MARCHF3: variants seen among roughly 807,000 people sequenced by gnomAD.
MARCHF3 encodes the protein E3 ubiquitin-protein ligase MARCHF3.
In MARCHF3, 13 loss-of-function variants were observed where a neutral mutation model predicts 24.2. The ratio of observed to expected loss-of-function variants is 0.54; its 90% confidence interval spans 0.35 to 0.85. The LOEUF (loss-of-function observed/expected upper bound fraction) is 0.85. Ranked by LOEUF, MARCHF3 falls within the 40% of genes least tolerant of loss-of-function variation. MARCHF3 has a pLI of 0.01. For synonymous variants in MARCHF3, 144 were observed against 137.3 expected (o/e 1.05, Z -0.34); for missense variants, 276 against 325.0 (o/e 0.85, Z 1.16).
rs1460731235 is a variant in MARCHF3, at chr5:126,868,383, C to T, written c.*2250G>A. On this transcript the variant is annotated 3_prime_UTR_variant, in exon 5 of 5. Coordinates refer to ENST00000308660, the MANE Select transcript of MARCHF3 (RefSeq NM_178450.5). ...TGCCAGGGGTGTCCTTTCACCACCC[C>T]ACACACAATCTACTCCTTGCATCTT... 2.0e-5 allele frequency: 3 copies of T among 152,264 alleles called. No individual in the cohort carries two copies. The highest frequency in any genetic ancestry group is 7.2e-5 in the African/African-American group (3 of 41,456). The allele number at this position is 152,264 out of a possible 1,614,324, so 9.4% of individuals were successfully genotyped here. A position where few individuals can be genotyped will look rare whatever the true frequency, so the allele number is the denominator to read the frequency against.
At chr5:126,890,798 T>C (rs1160032939) in intron 3 of MARCHF3, among the ~76,000 whole-genome samples, 2 of 150,050 alleles carry the variant, frequency 1.3e-5, no homozygotes, top group Non-Finnish European at 2.9e-5. Flanking sequence ...TTTGGGTATA[T>C]ACCCAGTAAT....
intron 1 of MARCHF3, among the ~76,000 whole-genome samples, chr5:126,928,615 T>C (rs1294625348): frequency 6.6e-6 from 1 of 152,230 alleles, no homozygotes; most frequent in Admixed American, 6.5e-5. Flanking sequence ...ATATTTTTAT[T>C]ATGAAAAGTG....
chr5:126,893,487 G>T (rs1753765638), intron 3 of MARCHF3, among the ~76,000 whole-genome samples: 2 of 151,844 alleles, frequency 1.3e-5, no homozygotes, highest in African/African-American at 4.8e-5. Flanking sequence ...CTGGTATGTT[G>T]TGTCTTTGTT....
intron 3 of MARCHF3, among the ~76,000 whole-genome samples, chr5:126,894,732 A>T (rs1439228608): frequency 6.6e-6 from 1 of 151,864 alleles, no homozygotes; most frequent in Non-Finnish European, 1.5e-5. Flanking sequence ...TTTTTCCTTC[A>T]TTTCAACTTT....
At chr5:126,887,327 C>G (rs546894857) in intron 3 of MARCHF3, among the ~76,000 whole-genome samples, 2 of 152,310 alleles carry the variant, frequency 1.3e-5, no homozygotes, top group Non-Finnish European at 2.9e-5. Context: ...TGCAGAAAAT[C>G]TAGGTGGCAT....
intron 3 of MARCHF3, among the ~76,000 whole-genome samples, chr5:126,882,270 G>A (rs931279061): frequency 6.6e-6 from 1 of 152,110 alleles, no homozygotes; most frequent in Non-Finnish European, 1.5e-5. Flanking sequence ...CAGCTAGGTG[G>A]GACACATTTA....
chr5:126,915,735 G>A (rs1031357504), intron 2 of MARCHF3, among the ~76,000 whole-genome samples: 6 of 152,160 alleles, frequency 3.9e-5, no homozygotes, highest in Admixed American at 1.3e-4. Context: ...AACTGAAAGC[G>A]AGTAATGAGT....
chr5:126,884,696 C>T (rs1236016926), intron 3 of MARCHF3, among the ~76,000 whole-genome samples: 1 of 152,184 alleles, frequency 6.6e-6, no homozygotes, highest in Non-Finnish European at 1.5e-5. Context: ...GTCCTATTGG[C>T]ACTGCCTGCA....
intron 1 of MARCHF3, among the ~76,000 whole-genome samples, chr5:126,970,814 G>A (rs1750986707): frequency 6.6e-6 from 1 of 152,126 alleles, no homozygotes; most frequent in Non-Finnish European, 1.5e-5. Context: ...CCTACTTCCT[G>A]TCATTTCCAA....
Position 126,996,144 on chromosome 5 carries a change from C to A in MARCHF3, c.-57+34206G>T, listed in dbSNP as rs966993733. 2.0e-5 allele frequency among the ~76,000 whole-genome samples: 3 copies of A among 152,152 alleles called. No individual in the cohort carries two copies. In the East Asian group the frequency reaches 5.8e-4, roughly 29 times the overall value. On this transcript the variant is annotated intron_variant, in intron 1 of 4. Transcript: ENST00000308660. ...TTTGAATTTCAATGTCTTCAGGCCTCAGGTCTCTCCTTTTCTCCATGAGTC... is the reference window on the plus strand; with the variant it reads ...TTTGAATTTCAATGTCTTCAGGCCTAAGGTCTCTCCTTTTCTCCATGAGTC...
chr5:126,991,715 T>C (rs114110932), intron 1 of MARCHF3, among the ~76,000 whole-genome samples: 7,704 of 151,246 alleles, frequency 0.051, 364 homozygotes, highest in South Asian at 0.13. Context: ...AGCAAGATTC[T>C]ATTTCAAAAA....
chr5:126,926,736 CA>C (rs1749309707), intron 1 of MARCHF3, among the ~76,000 whole-genome samples: 1 of 151,984 alleles, frequency 6.6e-6, no homozygotes, highest in Non-Finnish European at 1.5e-5. Context: ...AGCTGCTTAT[CA>C]ACAGGAGAGT....
intron 1 of MARCHF3, among the ~76,000 whole-genome samples, chr5:127,029,230 C>T (rs1342025280): frequency 6.6e-6 from 1 of 152,158 alleles, no homozygotes; most frequent in East Asian, 1.9e-4. Context: ...CACACTCACA[C>T]ATATACACGT....
intron 1 of MARCHF3, among the ~76,000 whole-genome samples, chr5:126,998,740 G>A (rs185068519): frequency 6.6e-6 from 1 of 152,246 alleles, no homozygotes; most frequent in East Asian, 1.9e-4. Flanking sequence ...CTTTTAAACA[G>A]CAGAAATCTC....
At chr5:126,975,937 G>C (rs1370169137) in intron 1 of MARCHF3, among the ~76,000 whole-genome samples, 1 of 152,164 alleles carries the variant, frequency 6.6e-6, no homozygotes, top group Non-Finnish European at 1.5e-5. Context: ...GTAGGCCTGT[G>C]CCAATGCCTC....
chr5:126,964,363 T>C (rs1420621373), intron 1 of MARCHF3, among the ~76,000 whole-genome samples: 1 of 152,210 alleles, frequency 6.6e-6, no homozygotes, highest in African/African-American at 2.4e-5. Context: ...CATTTCTTAA[T>C]TAGCTTATTT....
At chr5:126,924,776 T>G (rs1580649043) in intron 1 of MARCHF3, among the ~76,000 whole-genome samples, 1 of 152,348 alleles carries the variant, frequency 6.6e-6, no homozygotes, top group East Asian at 1.9e-4. Flanking sequence ...CAGCAACATT[T>G]AAGTTTTCAA....
At chr5:126,919,728 G>A (rs138405046) in intron 1 of MARCHF3, among the ~76,000 whole-genome samples, 1 of 152,334 alleles carries the variant, frequency 6.6e-6, no homozygotes, top group Non-Finnish European at 1.5e-5. Flanking sequence ...ACAATCATCG[G>A]ACGTGATTGT....
chr5:126,978,669 C>G (rs189776227), intron 1 of MARCHF3, among the ~76,000 whole-genome samples: 3 of 152,320 alleles, frequency 2.0e-5, no homozygotes, highest in Non-Finnish European at 4.4e-5. Context: ...CCCTCACTGC[C>G]CACTGGACCT....
Sources: allele counts gnomAD v4.1 joint callset (sites outside exome capture counted in the v4.1 genomes callset), GRCh38; gene constraint gnomAD v4.1.1; transcripts MANE v1.5; gene names NCBI Gene and HGNC (gene_info 2026-07-23, HGNC 2026-07-21).